The following THSD7B variants were observed in gnomAD, a reference collection of about 807,000 sequenced individuals.
THSD7B encodes thrombospondin type-1 domain-containing protein 7B.
A neutral mutation model predicts 213.6 loss-of-function variants in THSD7B; 138 were observed. That is an observed-to-expected ratio of 0.65 (90% confidence interval 0.56 to 0.74). THSD7B has a LOEUF of 0.74. Among genes scored for constraint, THSD7B ranks in the 30% least tolerant of loss-of-function variants. The probability of loss-of-function intolerance (pLI) is 0.00; values close to 1 mark genes in which losing one functional copy is unlikely to be tolerated. For missense variants in THSD7B, 1,931 were observed against 1,991.5 expected (o/e 0.97, Z 0.58); for synonymous variants, 742 against 687.0 (o/e 1.08, Z -1.25).
chr2:136,850,985 T>C lies in THSD7B; in HGVS notation c.-35-31159T>C, dbSNP rs144429318. 6.6e-5 allele frequency among the ~76,000 whole-genome samples: 10 copies of C among 152,208 alleles called. No individual in the cohort carries two copies. The East Asian group carries it at 1.5e-3, about 24-fold the overall frequency. ...ATTTTTCTTCAGCTATTGGAAGATATTGCTGCACGATTTTTTGTTGCTGAT... is the reference window on the plus strand; with the variant it reads ...ATTTTTCTTCAGCTATTGGAAGATACTGCTGCACGATTTTTTGTTGCTGAT... On this transcript the variant is annotated intron_variant, in intron 1 of 27. Coordinates refer to ENST00000409968, the MANE Select transcript of THSD7B (RefSeq NM_001316349.2).
chr2:137,525,110 T>C (rs987771032), intron 15 of THSD7B, among the ~76,000 whole-genome samples: 2 of 152,196 alleles, frequency 1.3e-5, no homozygotes, highest in Non-Finnish European at 2.9e-5. Context: ...AATAAATATT[T>C]GCTGTTTGGC....
At position 137,656,730 on chromosome 2, in the gene THSD7B, A is replaced by G. The variant is rs928416068; in HGVS notation, c.4106-66A>G. On this transcript the variant is annotated intron_variant, in intron 22 of 27. Transcript: ENST00000409968. ...GCAAATCTCTGTGTGAGCCCTGCCC[A>G]TGCAAATGTTGTCCAGTGCCACTTT... 9 of 1,497,416 alleles carry G rather than the reference A, an allele frequency of 6.0e-6. No homozygotes were observed. In the African/African-American group the frequency reaches 9.7e-5, roughly 16 times the overall value. The allele number at this position is 1,497,416 out of a possible 1,614,324, so 92.8% of individuals were successfully genotyped here. A position where few individuals can be genotyped will look rare whatever the true frequency, so the allele number is the denominator to read the frequency against.
Position 137,550,277 on chromosome 2 carries a change from C to T in THSD7B, c.3139-12944C>T, listed in dbSNP as rs567504973. 3.3e-5 allele frequency among the ~76,000 whole-genome samples: 5 copies of T among 151,856 alleles called. No individual in the cohort carries two copies. In the South Asian group the frequency reaches 1.0e-3, roughly 32 times the overall value. ...TGATCAGCACTCAAATTTGTCTGTACATGTGTGTTAGTACTTGCCTGGTAG... is the reference window on the plus strand; with the variant it reads ...TGATCAGCACTCAAATTTGTCTGTATATGTGTGTTAGTACTTGCCTGGTAG... On this transcript the variant is annotated intron_variant, in intron 15 of 27. Coordinates refer to ENST00000409968, the MANE Select transcript of THSD7B (RefSeq NM_001316349.2).
At chr2:137,454,118 T>C (rs936508921) in intron 15 of THSD7B, among the ~76,000 whole-genome samples, 2 of 152,192 alleles carry the variant, frequency 1.3e-5, no homozygotes, top group African/African-American at 4.8e-5. Context: ...ATTTTTGTAG[T>C]AAATGCCCAG....
At chr2:137,670,920 C>CAAA (rs530737012) in intron 27 of THSD7B, among the ~76,000 whole-genome samples, 1 of 102,840 alleles carries the variant, frequency 9.7e-6, no homozygotes, top group African/African-American at 3.8e-5. Flanking sequence ...GACTCCGCCT[C>CAAA]AAAAAAAAAA....
intron 1 of THSD7B, among the ~76,000 whole-genome samples, chr2:136,855,691 C>T (rs1652428): frequency 0.76 from 114,406 of 151,476 alleles, 43,453 homozygotes; most frequent in Middle Eastern, 0.85. Flanking sequence ...AAGCTGGTCT[C>T]GAACTCCTGA....
intron 4 of THSD7B, among the ~76,000 whole-genome samples, chr2:137,097,958 AGCTAACATTCTAATTT>A (rs1573821343): frequency 6.7e-6 from 1 of 149,450 alleles, no homozygotes; most frequent in African/African-American, 2.5e-5. Flanking sequence ...ACTAAACATC[AGCTAACATTCTAATTT>A]GTCTGAAATC....
intron 20 of THSD7B, among the ~76,000 whole-genome samples, chr2:137,641,209 CTAA>C (rs2104861206): frequency 6.6e-6 from 1 of 152,364 alleles, no homozygotes; most frequent in East Asian, 1.9e-4. Flanking sequence ...GCCCTTCTCA[CTAA>C]TACTCTCTGC....
intron 27 of THSD7B, among the ~76,000 whole-genome samples, chr2:137,672,264 T>TAAAG (rs1429539635): frequency 1.3e-5 from 2 of 152,208 alleles, no homozygotes; most frequent in African/African-American, 2.4e-5. Flanking sequence ...ATCCCTATTT[T>TAAAG]AAAGAGTAAT....
intron 1 of THSD7B, among the ~76,000 whole-genome samples, chr2:136,817,946 T>G (rs1316279492): frequency 8.7e-5 from 13 of 148,696 alleles, no homozygotes; most frequent in East Asian, 4.0e-4. Flanking sequence ...TACACTGTTG[T>G]TGGGACTGTA....
chr2:137,308,439 T>C (rs1388839549), intron 12 of THSD7B, among the ~76,000 whole-genome samples: 2 of 152,102 alleles, frequency 1.3e-5, no homozygotes, highest in East Asian at 1.9e-4. Flanking sequence ...AGTACCATGA[T>C]ATGTAACATA....
intron 13 of THSD7B, among the ~76,000 whole-genome samples, chr2:137,407,511 A>G (rs760526962): frequency 1.8e-4 from 27 of 152,150 alleles, no homozygotes; most frequent in Non-Finnish European, 2.1e-4. Flanking sequence ...ATGAATTGAA[A>G]TATTTTCACT....
intron 15 of THSD7B, among the ~76,000 whole-genome samples, chr2:137,530,889 G>C (rs1344247678): frequency 6.6e-6 from 1 of 152,000 alleles, no homozygotes; most frequent in Non-Finnish European, 1.5e-5. Flanking sequence ...ATACAGAGGA[G>C]TGCAGGCATC....
intron 5 of THSD7B, among the ~76,000 whole-genome samples, chr2:137,130,580 C>T (rs1216414039): frequency 1.4e-5 from 2 of 145,374 alleles, no homozygotes; most frequent in Non-Finnish European, 3.0e-5. Flanking sequence ...TTCCTGTGTC[C>T]ATGTGTTCTC....
At chr2:137,003,116 G>A (rs1197336754) in intron 2 of THSD7B, among the ~76,000 whole-genome samples, 1 of 152,268 alleles carries the variant, frequency 6.6e-6, no homozygotes, top group East Asian at 1.9e-4. Context: ...CAGGTAATAA[G>A]GGTATGATGA....
At chr2:137,075,374 G>A (rs529216169) in intron 3 of THSD7B, among the ~76,000 whole-genome samples, 2 of 152,064 alleles carry the variant, frequency 1.3e-5, no homozygotes, top group South Asian at 2.1e-4. Context: ...CCAGTTGATC[G>A]CATCAGCTAC....
chr2:136,799,056 G>A (rs1487482094), intron 1 of THSD7B, among the ~76,000 whole-genome samples: 1 of 152,102 alleles, frequency 6.6e-6, no homozygotes. Flanking sequence ...GATTAATGCT[G>A]CCTTTCCTGA....
intron 15 of THSD7B, among the ~76,000 whole-genome samples, chr2:137,461,743 C>G (rs1687889824): frequency 6.6e-6 from 1 of 152,088 alleles, no homozygotes; most frequent in Admixed American, 6.6e-5. Flanking sequence ...TGACCCCTCC[C>G]CAATAACACT....
intron 12 of THSD7B, among the ~76,000 whole-genome samples, chr2:137,333,221 A>G (rs548903363): frequency 2.6e-5 from 4 of 152,136 alleles, no homozygotes; most frequent in Admixed American, 2.6e-4. Context: ...GTTCCGATAC[A>G]TCTACCTCCT....
Sources: gnomAD v4.1 joint callset for allele counts (sites outside exome capture counted in the v4.1 genomes callset) on GRCh38, gnomAD v4.1.1 for gene constraint, MANE v1.5 for transcripts, NCBI Gene and HGNC (gene_info 2026-07-23, HGNC 2026-07-21) for gene names.